Variants in CDH13 observed in about 807,000 individuals in gnomAD.
CDH13 encodes cadherin-13.
In CDH13, 24 loss-of-function variants were observed where a neutral mutation model predicts 63.8. That is an observed-to-expected ratio of 0.38 (90% confidence interval 0.27 to 0.53). CDH13 has a LOEUF of 0.53. Ranked by LOEUF, CDH13 falls within the 20% of genes least tolerant of loss-of-function variation. The probability of loss-of-function intolerance (pLI) is 0.85; values close to 1 mark genes in which losing one functional copy is unlikely to be tolerated. For missense variants in CDH13, 1,049 were observed against 903.1 expected, an observed-to-expected ratio of 1.16 and a Z score of -2.07; for synonymous variants, 503 against 355.3, an observed-to-expected ratio of 1.42 and a Z score of -4.67.
At chr16:82,879,047 T>C (rs1212349151) in intron 2 of CDH13, among the ~76,000 whole-genome samples, 1 of 152,128 alleles carries the variant, frequency 6.6e-6, no homozygotes, top group African/African-American at 2.4e-5. Flanking sequence ...CCAATGTGTT[T>C]CAACTTATGG....
At chr16:83,139,169 G>A (rs1400499045) in intron 4 of CDH13, among the ~76,000 whole-genome samples, 1 of 152,136 alleles carries the variant, frequency 6.6e-6, no homozygotes, top group Non-Finnish European at 1.5e-5. Flanking sequence ...GTTGCATGGA[G>A]GTGGGCGAAC....
intron 10 of CDH13, among the ~76,000 whole-genome samples, chr16:83,742,569 A>G (rs983290994): frequency 6.6e-6 from 1 of 152,230 alleles, no homozygotes; most frequent in Admixed American, 6.5e-5. Context: ...TGAAAGGTTT[A>G]TTAAAAAGAC....
intron 1 of CDH13, among the ~76,000 whole-genome samples, chr16:82,814,252 A>G (rs181445121): frequency 4.6e-5 from 7 of 152,256 alleles, no homozygotes; most frequent in African/African-American, 9.6e-5. Context: ...GAGCTCCGAA[A>G]TCCCTTGGTA....
At chr16:83,440,129 G>C (rs1010902373) in intron 6 of CDH13, among the ~76,000 whole-genome samples, 1 of 152,188 alleles carries the variant, frequency 6.6e-6, no homozygotes, top group South Asian at 2.1e-4. Context: ...AGAATGGCTT[G>C]TTGGGGATGG....
chr16:83,636,275 T>C (rs1264965453), intron 8 of CDH13, among the ~76,000 whole-genome samples: 2 of 152,210 alleles, frequency 1.3e-5, no homozygotes, highest in South Asian at 2.1e-4. Context: ...TTCTTCTTTT[T>C]CAAAAGTATT....
At chr16:83,397,105 C>T (rs2091899167) in intron 6 of CDH13, among the ~76,000 whole-genome samples, 1 of 152,104 alleles carries the variant, frequency 6.6e-6, no homozygotes, top group African/African-American at 2.4e-5. Context: ...GCCCCCTTAC[C>T]CCCACTCCCC....
intron 1 of CDH13, among the ~76,000 whole-genome samples, chr16:82,665,182 A>G (rs1912442724): frequency 6.6e-6 from 1 of 152,174 alleles, no homozygotes; most frequent in Non-Finnish European, 1.5e-5. Context: ...CACATTTGCC[A>G]CAATTTTATG....
intron 6 of CDH13, among the ~76,000 whole-genome samples, chr16:83,423,913 G>A (rs762796317): frequency 2.0e-5 from 3 of 152,220 alleles, no homozygotes; most frequent in Non-Finnish European, 4.4e-5. Context: ...AGTCTGGGAC[G>A]TGGCTGTACA....
chr16:82,823,945 C>T (rs2038124173), intron 1 of CDH13: 1 of 152,104 alleles, frequency 6.6e-6, no homozygotes, highest in Non-Finnish European at 1.5e-5. Context: ...AATAAACTTC[C>T]TTAGCAAATA....
At chr16:83,364,562 G>A (rs1429334765) in intron 6 of CDH13, among the ~76,000 whole-genome samples, 1 of 152,192 alleles carries the variant, frequency 6.6e-6, no homozygotes, top group Non-Finnish European at 1.5e-5. Flanking sequence ...CAAGATGGAA[G>A]AGGTGACTTT....
chr16:83,125,988 T>C (rs2035795766), intron 4 of CDH13, among the ~76,000 whole-genome samples: 1 of 152,182 alleles, frequency 6.6e-6, no homozygotes, highest in Non-Finnish European at 1.5e-5. Context: ...CACTGTCCCA[T>C]GAATCAGAAC....
chr16:83,595,509 G>C (rs1458330459), intron 7 of CDH13, among the ~76,000 whole-genome samples: 1 of 152,152 alleles, frequency 6.6e-6, no homozygotes, highest in Non-Finnish European at 1.5e-5. Flanking sequence ...GCTAAGCACA[G>C]TCATAAGCAG....
At position 83,294,618 on chromosome 16, in the gene CDH13, G is replaced by GTGTATA. The variant is rs573981054; in HGVS notation, c.637-50243_637-50242insGTATAT. The stretch of plus-strand genomic sequence containing the variant: ...TATATGTGTATGTGTGTGTGTGTGT[G>GTGTATA]TATATATATATGTGATATTCATGTA... On this transcript the variant is annotated intron_variant, in intron 5 of 13. Transcript: ENST00000567109. 4.6e-5 allele frequency among the ~76,000 whole-genome samples: 7 copies of GTGTATA among 150,596 alleles called. No individual in the cohort carries two copies. In the East Asian group the frequency reaches 5.9e-4, roughly 13 times the overall value.
At chr16:82,811,050 G>A (rs931134963) in intron 1 of CDH13, among the ~76,000 whole-genome samples, 4 of 152,158 alleles carry the variant, frequency 2.6e-5, no homozygotes, top group Admixed American at 2.0e-4. Flanking sequence ...TTTAAATTAC[G>A]ATATAAGCTA....
At chr16:82,935,270 AACTC>A (rs999437707) in intron 2 of CDH13, among the ~76,000 whole-genome samples, 9 of 152,114 alleles carry the variant, frequency 5.9e-5, no homozygotes, top group Non-Finnish European at 1.2e-4. Flanking sequence ...ATCCCATGAG[AACTC>A]ACTCACTATC....
intron 10 of CDH13, among the ~76,000 whole-genome samples, chr16:83,737,653 C>G (rs531960340): frequency 5.3e-5 from 8 of 152,258 alleles, no homozygotes; most frequent in African/African-American, 1.9e-4. Context: ...TGGTGGTTCT[C>G]AAACTTTGGT....
At chr16:83,623,539 A>T (rs534616793) in intron 8 of CDH13, among the ~76,000 whole-genome samples, 60 of 152,296 alleles carry the variant, frequency 3.9e-4, no homozygotes, top group African/African-American at 1.4e-3. Flanking sequence ...TGTCCGTTGC[A>T]TTAAATCAAA....
chr16:82,700,884 A>G (rs759849676), intron 1 of CDH13, among the ~76,000 whole-genome samples: 161 of 150,104 alleles, frequency 1.1e-3, no homozygotes, highest in Non-Finnish European at 2.0e-3. Flanking sequence ...CTCTAAATCT[A>G]CAAAGAAAAG....
intron 6 of CDH13, among the ~76,000 whole-genome samples, chr16:83,463,380 G>A (rs1486935266): frequency 6.6e-6 from 1 of 152,146 alleles, no homozygotes; most frequent in African/African-American, 2.4e-5. Context: ...CTGGGGGCTC[G>A]GCTCCATGTC....
Sources: gnomAD v4.1 joint callset for allele counts (sites outside exome capture counted in the v4.1 genomes callset) on GRCh38, gnomAD v4.1.1 for gene constraint, MANE v1.5 for transcripts, NCBI Gene and HGNC (gene_info 2026-07-23, HGNC 2026-07-21) for gene names.